ATP10A: variants seen among roughly 807,000 people sequenced by gnomAD.
The protein encoded by ATP10A is ATPase phospholipid transporting 10A (putative).
A neutral mutation model predicts 147.8 loss-of-function variants in ATP10A; 111 were observed. The ratio of observed to expected loss-of-function variants is 0.75; its 90% confidence interval spans 0.64 to 0.88. ATP10A has a LOEUF of 0.88. ATP10A is among the 40% of genes least tolerant of loss of function. ATP10A has a pLI of 0.00. For missense variants in ATP10A, 1,927 were observed against 1,959.0 expected, an observed-to-expected ratio of 0.98 and a Z score of 0.31; for synonymous variants, 875 against 841.6, an observed-to-expected ratio of 1.04 and a Z score of -0.69.
At chr15:25,740,097 A>G (rs754666694) in intron 2 of ATP10A, among the ~76,000 whole-genome samples, 4 of 152,186 alleles carry the variant, frequency 2.6e-5, no homozygotes, top group Non-Finnish European at 4.4e-5. Flanking sequence ...TTTGATTCAC[A>G]GGGGAGATTC....
At chr15:25,728,654 C>A (rs11639416) in intron 3 of ATP10A, among the ~76,000 whole-genome samples, 61,541 of 152,174 alleles carry the variant, frequency 0.4, 12,843 homozygotes, top group Admixed American at 0.53. Flanking sequence ...AATAACAAAT[C>A]GTCTCCGAGT....
rs777763387 is a variant in ATP10A, at chr15:25,679,918, C to T, written c.3923G>A (p.Arg1308His). 1.1e-5 allele frequency: 17 copies of T among 1,608,796 alleles called. No homozygotes were observed. Among genetic ancestry groups the T allele is most frequent in the South Asian group, 3.3e-5 (3 of 91,044 alleles). The part of the protein sequence containing the change: ...RVFPTQLQLA[R>H]QLTRKSPRRC... Reference sequence around the variant, plus strand: ...CCTGGGGGACTTCCTGGTCAACTGACGTGCCAGCTGAAGTTGTGTGGGGAA... The same window carrying T: ...CCTGGGGGACTTCCTGGTCAACTGATGTGCCAGCTGAAGTTGTGTGGGGAA... The change falls in exon 21 of 21, where the codon CGT becomes CAT. Residue 1308 changes from arginine to histidine, a missense_variant. Coordinates refer to ENST00000555815, the MANE Select transcript of ATP10A (RefSeq NM_024490.4).
chr15:25,690,840 G>GT (rs1899990138), intron 15 of ATP10A, among the ~76,000 whole-genome samples: 1 of 152,214 alleles, frequency 6.6e-6, no homozygotes, highest in African/African-American at 2.4e-5. Flanking sequence ...TGCGAGTAAC[G>GT]TAACACGGAG....
chr15:25,676,419 C>A (rs902737492), downstream of ATP10A, among the ~76,000 whole-genome samples: 6 of 152,206 alleles, frequency 3.9e-5, no homozygotes, highest in Admixed American at 3.9e-4. Context: ...TAGTTACATC[C>A]AAGCACTTGC....
intron 2 of ATP10A, among the ~76,000 whole-genome samples, chr15:25,779,616 G>T (rs1209559120): frequency 1.3e-5 from 2 of 152,118 alleles, no homozygotes; most frequent in Non-Finnish European, 2.9e-5. Context: ...GCATCGGATG[G>T]GGCCCACACC....
intron 7 of ATP10A, among the ~76,000 whole-genome samples, chr15:25,720,133 G>C (rs141094026): frequency 6.6e-6 from 1 of 152,142 alleles, no homozygotes; most frequent in Non-Finnish European, 1.5e-5. Flanking sequence ...GCCCCTGGGA[G>C]CCTAAGCTTC....
intron 2 of ATP10A, among the ~76,000 whole-genome samples, chr15:25,761,851 A>T (rs1211667705): frequency 6.6e-6 from 1 of 152,066 alleles, no homozygotes; most frequent in Non-Finnish European, 1.5e-5. Context: ...TCGGACTTGG[A>T]CTTTTGGGTT....
In ATP10A at chr15:25,680,327, G is replaced by A. The variant is rs1318386785; in HGVS notation, c.3679-19C>T. ...GCCAGGTCTGAGGGGGAATGAGAAA[G>A]AAAGGGCTTTTATTTCCACCTAAAA... On this transcript the variant is annotated intron_variant, in intron 19 of 20. Coordinates refer to ENST00000555815, the MANE Select transcript of ATP10A (RefSeq NM_024490.4). 1.4e-5 allele frequency: 22 copies of A among 1,608,520 alleles called. No individual in the cohort carries two copies. Among genetic ancestry groups the A allele is most frequent in the Non-Finnish European group, 1.8e-5 (21 of 1,175,920 alleles).
intron 1 of ATP10A, among the ~76,000 whole-genome samples, chr15:25,805,844 A>G (rs975244690): frequency 6.6e-6 from 1 of 152,236 alleles, no homozygotes; most frequent in South Asian, 2.1e-4. Flanking sequence ...ACAGAGACTA[A>G]AGGAAAATGT....
chr15:25,735,990 G>A (rs967214597), intron 3 of ATP10A, 66 bp downstream of exon 3: 2 of 1,329,066 alleles, frequency 1.5e-6, no homozygotes, highest in Non-Finnish European at 2.2e-6. Flanking sequence ...AACTGAGAAT[G>A]TGTAAACACC....
chr15:25,729,094 G>A (rs548122498), intron 3 of ATP10A, among the ~76,000 whole-genome samples: 6 of 152,326 alleles, frequency 3.9e-5, no homozygotes, highest in African/African-American at 1.2e-4. Context: ...GGGCTGAACC[G>A]TGTCCCCTCA....
At chr15:25,736,943 T>C (rs571005631) in intron 2 of ATP10A, among the ~76,000 whole-genome samples, 11 of 152,336 alleles carry the variant, frequency 7.2e-5, no homozygotes, top group African/African-American at 2.6e-4. Context: ...TTAAAAATTA[T>C]AGAAATGGCA....
chr15:25,785,845 G>T (rs763427216), intron 1 of ATP10A, among the ~76,000 whole-genome samples: 8 of 152,230 alleles, frequency 5.3e-5, no homozygotes, highest in Admixed American at 1.3e-4. Context: ...TGGAATGGGG[G>T]CACCACCCAC....
At chr15:25,814,613 C>G (rs577017818) in intron 1 of ATP10A, among the ~76,000 whole-genome samples, 1 of 152,174 alleles carries the variant, frequency 6.6e-6, no homozygotes, top group Non-Finnish European at 1.5e-5. Context: ...CTGGAATATG[C>G]CCACTTCATT....
At chr15:25,779,964 G>A (rs1485296465) in intron 2 of ATP10A, among the ~76,000 whole-genome samples, 1 of 152,160 alleles carries the variant, frequency 6.6e-6, no homozygotes, top group Non-Finnish European at 1.5e-5. Flanking sequence ...GGCCGGGCGG[G>A]CGAGGTGCGG....
intron 1 of ATP10A, among the ~76,000 whole-genome samples, chr15:25,859,295 C>T (rs1400957656): frequency 2.0e-5 from 3 of 152,168 alleles, no homozygotes; most frequent in Non-Finnish European, 4.4e-5. Context: ...TGTTGGAGAC[C>T]GATGTCAGCT....
At position 25,725,990 on chromosome 15, in the gene ATP10A, C is replaced by T; in HGVS notation, c.940G>A (p.Val314Ile). 4 of 1,614,094 alleles carry T rather than the reference C, an allele frequency of 2.5e-6. No homozygotes were observed. Among genetic ancestry groups the T allele is most frequent in the Non-Finnish European group, 3.4e-6 (4 of 1,179,980 alleles). Residue 314 changes from valine (V) to isoleucine (I), a missense_variant, in exon 5 of 21, where the codon GTC (valine) becomes ATC (isoleucine). Coordinates refer to ENST00000555815, the MANE Select transcript of ATP10A (RefSeq NM_024490.4). ...RQMNCDVLWCVLLLVCMSLFS... is the reference protein window; with the variant it reads ...RQMNCDVLWCILLLVCMSLFS... ...AGAGACATGCAAACAAGGAGCAGGA[C>T]ACACCAGAGCACGTCGCAGTTCATC...
At position 25,702,283 on chromosome 15, in the gene ATP10A, G is replaced by A. The variant is rs566026275; in HGVS notation, c.2576-183C>T. Among the ~76,000 whole-genome samples the A allele has an allele frequency of 3.3e-5, 5 of 152,242 alleles. No individual in the cohort carries two copies. In the South Asian group the frequency reaches 6.2e-4, roughly 19 times the overall value. On this transcript the variant is annotated intron_variant, in intron 12 of 20. Transcript: ENST00000555815. The stretch of plus-strand genomic sequence containing the variant: ...ATGTAGTGACAGGAAGTCCCCTGTG[G>A]AACCATTTCAGGACAGTGGTGGACG...
chr15:25,862,492 C>T (rs1893807132), intron 1 of ATP10A, among the ~76,000 whole-genome samples, 156 bp downstream of exon 1: 1 of 152,232 alleles, frequency 6.6e-6, no homozygotes, highest in East Asian at 1.9e-4. Flanking sequence ...GCTGTGGCTT[C>T]GGTCGGCACC....
Sources: allele counts gnomAD v4.1 joint callset (sites outside exome capture counted in the v4.1 genomes callset), GRCh38; gene constraint gnomAD v4.1.1; transcripts MANE v1.5; gene names NCBI Gene and HGNC (gene_info 2026-07-23, HGNC 2026-07-21).